The following SETD5 variants were observed in gnomAD, a reference collection of about 807,000 sequenced individuals.
The protein encoded by SETD5 is SET domain containing 5.
SETD5 carries 44 observed loss-of-function variants against 153.3 expected under a neutral mutation model. The ratio of observed to expected loss-of-function variants is 0.29; its 90% CI spans 0.23 to 0.37. SETD5 has a LOEUF of 0.37. SETD5 is among the 10% of genes least tolerant of loss of function. The pLI, the probability that SETD5 is intolerant of heterozygous loss-of-function variation, is 1.00. For synonymous variants in SETD5, 716 were observed against 645.2 expected, an observed-to-expected ratio of 1.11 and a Z score of -1.66; for missense variants, 1,544 against 1,768.0, an observed-to-expected ratio of 0.87 and a Z score of 2.27.
Position 9,428,857 on chromosome 3 carries a change from C to A in SETD5, c.-82C>A. ...TGTCCATAACATGTTGGATGAGGCT[C>A]TGCAGCTCACCCCCACTCTCAGAGT... On this transcript the variant is annotated 5_prime_UTR_variant, in exon 3 of 23. It adds an upstream start codon to the 5' untranslated region. Transcript: ENST00000402198. 1.1e-6 allele frequency: 1 copy of A among 929,312 alleles called. No individual in the cohort carries two copies. Among genetic ancestry groups the A allele is most frequent in the Non-Finnish European group, 1.7e-6 (1 of 596,692 alleles). The allele number at this position is 929,312 out of a possible 1,614,324, so 57.6% of individuals were successfully genotyped here. A position where few individuals can be genotyped will look rare whatever the true frequency, so the allele number is the denominator to read the frequency against.
chr3:9,450,600 G>A (rs1440372739), intron 16 of SETD5, among the ~76,000 whole-genome samples: 1 of 152,110 alleles, frequency 6.6e-6, no homozygotes, highest in Non-Finnish European at 1.5e-5. Context: ...CCTAATATTG[G>A]TTAGAAAGGA....
intron 22 of SETD5, 78 bp from the exon 23 acceptor site, chr3:9,475,405 G>T: frequency 6.6e-7 from 1 of 1,521,720 alleles, no homozygotes; most frequent in African/African-American, 1.4e-5. Flanking sequence ...AAAAAAGAAT[G>T]TAGGGTATTA....
At chr3:9,465,249 G>A (rs578059537) in intron 18 of SETD5, among the ~76,000 whole-genome samples, 35 of 152,306 alleles carry the variant, frequency 2.3e-4, no homozygotes, top group African/African-American at 8.4e-4. Flanking sequence ...GTAGACAAGA[G>A]GCTAGCAACA....
At chr3:9,474,319 G>T in intron 20 of SETD5, 130 bp from the exon 21 acceptor site, 1 of 1,032,572 alleles carries the variant, frequency 9.7e-7, no homozygotes, top group Non-Finnish European at 1.4e-6. Flanking sequence ...GAAATACGTT[G>T]TTTTAAATTG....
At chr3:9,417,832 C>T (rs920642001) in intron 1 of SETD5, among the ~76,000 whole-genome samples, 11 of 150,994 alleles carry the variant, frequency 7.3e-5, no homozygotes, top group African/African-American at 2.7e-4. Context: ...TTTTTCCCCA[C>T]ATATTCTAAA....
intron 17 of SETD5, among the ~76,000 whole-genome samples, chr3:9,458,947 CA>C (rs2125426571): frequency 6.6e-6 from 1 of 152,224 alleles, no homozygotes; most frequent in Non-Finnish European, 1.5e-5. Context: ...CTTTATTAAT[CA>C]AAATAGGAAC....
chr3:9,441,814 C>A, intron 9 of SETD5, 73 bp downstream of exon 9: 2 of 1,580,036 alleles, frequency 1.3e-6, no homozygotes, highest in Non-Finnish European at 1.7e-6. Context: ...AAAAATCATT[C>A]TGTTTGATAA....
intron 2 of SETD5, among the ~76,000 whole-genome samples, chr3:9,427,924 T>A (rs547789110): frequency 6.6e-6 from 1 of 152,358 alleles, no homozygotes; most frequent in Non-Finnish European, 1.5e-5. Flanking sequence ...GTCTTTCTGT[T>A]CCCAGCTTTC....
intron 18 of SETD5, among the ~76,000 whole-genome samples, chr3:9,466,306 AAAAG>A (rs2044575246): frequency 3.3e-5 from 5 of 151,456 alleles, no homozygotes; most frequent in African/African-American, 9.7e-5. Context: ...AAAAAAAAAA[AAAAG>A]AAAATCAGAA....
chr3:9,448,546 C>G lies in SETD5; in HGVS notation c.2262C>G (p.His754Gln). ...HSPLICTTPK[H>Q]YIRFGSPFIP... ...CGTTAATTTGCACCACCCCCAAACA[C>G]TACATTCGCTTTGGCTCACCCTTTA... Residue 754 changes from histidine (H) to glutamine (Q), a missense_variant, in exon 16 of 23, where the codon CAC becomes CAG. Transcript: ENST00000402198. 1.2e-6 allele frequency: 2 copies of G among 1,613,938 alleles called. No individual in the cohort carries two copies. The highest frequency in any genetic ancestry group is 8.5e-7 in the Non-Finnish European group (1 of 1,179,856).
chr3:9,399,957 C>T (rs747319831), intron 1 of SETD5, among the ~76,000 whole-genome samples: 24 of 152,098 alleles, frequency 1.6e-4, no homozygotes, highest in Non-Finnish European at 2.9e-4. Flanking sequence ...CTGGTTGCTA[C>T]GTGAGAAGCT....
chr3:9,412,118 A>G (rs1651992667), intron 1 of SETD5, among the ~76,000 whole-genome samples: 1 of 151,982 alleles, frequency 6.6e-6, no homozygotes, highest in African/African-American at 2.4e-5. Flanking sequence ...ATTTTGAGAT[A>G]CATTTGTCTT....
Position 9,445,785 on chromosome 3 carries a change from C to T in SETD5, c.1524+45C>T, listed in dbSNP as rs752483682. 56 of 1,400,842 alleles carry T rather than the reference C, an allele frequency of 4.0e-5. No homozygotes were observed. The South Asian group carries it at 5.8e-4, about 15-fold the overall frequency. The allele number at this position is 1,400,842 out of a possible 1,614,324, so 86.8% of individuals were successfully genotyped here. The stretch of plus-strand genomic sequence containing the variant: ...ACTTTGCTCCTTCTCATTCCTGCTA[C>T]CTCCATCATGTGAACCTCTTCTGTT... On this transcript the variant is annotated intron_variant, in intron 13 of 22. Coordinates refer to ENST00000402198, the MANE Select transcript of SETD5 (RefSeq NM_001080517.3).
intron 17 of SETD5, 22 bp downstream of exon 17, chr3:9,453,890 G>C (rs2042918068): frequency 6.6e-7 from 1 of 1,508,796 alleles, no homozygotes; most frequent in African/African-American, 1.4e-5. Flanking sequence ...AAACCTTTCT[G>C]ATTATATGAC....
chr3:9,471,393 G>C lies in SETD5; in HGVS notation c.3195+464G>C, dbSNP rs1010376707. Among the ~76,000 whole-genome samples the C allele has an allele frequency of 2.6e-5, 4 of 152,326 alleles. No individual in the cohort carries two copies. The East Asian group carries it at 7.7e-4, about 29-fold the overall frequency. On this transcript the variant is annotated intron_variant, in intron 19 of 22. Transcript: ENST00000402198. Reference sequence around the variant, plus strand: ...TTTGAGAGAGAAGGCTGGAGTGAGAGGCAGCAGGTTACTGATTTAACTGAA... The same window carrying C: ...TTTGAGAGAGAAGGCTGGAGTGAGACGCAGCAGGTTACTGATTTAACTGAA...
chr3:9,464,227 T>G (rs543986856), intron 17 of SETD5, among the ~76,000 whole-genome samples, 198 bp from the exon 18 acceptor site: 13 of 152,218 alleles, frequency 8.5e-5, no homozygotes, highest in Non-Finnish European at 1.3e-4. Context: ...GTTTGGGAGA[T>G]AGAATGTTTT....
rs374377077 is a variant in SETD5, at chr3:9,404,405, G to T, written c.-177+6428G>T. On this transcript the variant is annotated intron_variant, in intron 1 of 22. Coordinates refer to ENST00000402198, the MANE Select transcript of SETD5 (RefSeq NM_001080517.3). ...TAATGATATAATATTTCGACCAAAA[G>T]AAATTTTGAGTAATTAATTATTATT... 3.3e-5 allele frequency among the ~76,000 whole-genome samples: 5 copies of T among 152,252 alleles called. No individual in the cohort carries two copies. The South Asian group carries it at 1.0e-3, about 32-fold the overall frequency.
At chr3:9,453,643 G>A in intron 16 of SETD5, 96 bp from the exon 17 acceptor site, 1 of 1,197,184 alleles carries the variant, frequency 8.4e-7, no homozygotes, top group Non-Finnish European at 1.2e-6. Flanking sequence ...TTAGTGTGTT[G>A]AATTGTATCA....
At chr3:9,452,286 GA>G (rs1441039148) in intron 16 of SETD5, among the ~76,000 whole-genome samples, 1 of 152,138 alleles carries the variant, frequency 6.6e-6, no homozygotes, top group African/African-American at 2.4e-5. Context: ...GCTTTGAAAA[GA>G]AAAACTTAAA....
Sources: gnomAD v4.1 joint callset for allele counts (sites outside exome capture counted in the v4.1 genomes callset) on GRCh38, gnomAD v4.1.1 for gene constraint, MANE v1.5 for transcripts, NCBI Gene and HGNC (gene_info 2026-07-23, HGNC 2026-07-21) for gene names.